TMEM117: variants seen among roughly 807,000 people sequenced by gnomAD.
TMEM117 encodes transmembrane protein 117.
Under a neutral mutation model 52.4 loss-of-function variants are expected in TMEM117, and 27 were observed. That is an observed-to-expected ratio of 0.51 (90% confidence interval 0.38 to 0.71). The LOEUF (loss-of-function observed/expected upper bound fraction) is 0.71. Among genes scored for constraint, TMEM117 ranks in the 30% least tolerant of loss-of-function variants. The pLI is 0.00. For missense variants in TMEM117, 556 were observed against 630.5 expected (o/e 0.88, Z 1.26); for synonymous variants, 215 against 206.3 (o/e 1.04, Z -0.36).
At chr12:43,810,663 G>T in the TMEM117 span, among the ~76,000 whole-genome samples, 1 of 152,168 alleles carries the variant, frequency 6.6e-6, no homozygotes, top group Non-Finnish European at 1.5e-5. Context: ...GACAAGCAGG[G>T]CGAGAGGGCA....
intron 3 of TMEM117, among the ~76,000 whole-genome samples, chr12:43,952,641 A>C (rs371286522): frequency 6.6e-6 from 1 of 152,190 alleles, no homozygotes; most frequent in African/African-American, 2.4e-5. Flanking sequence ...TTATGGGACT[A>C]TGTAAAAAGA....
chr12:43,810,714 A>G, the TMEM117 span, among the ~76,000 whole-genome samples: 5,592 of 152,302 alleles, frequency 0.037, 157 homozygotes, highest in Non-Finnish European at 0.058. Context: ...AAGCTCCTTC[A>G]CTTCCAGCCT....
At chr12:44,159,726 G>A (rs534186227) in intron 4 of TMEM117, among the ~76,000 whole-genome samples, 2 of 152,116 alleles carry the variant, frequency 1.3e-5, no homozygotes, top group South Asian at 2.1e-4. Flanking sequence ...ATGGTTCTCC[G>A]TAAACATGCC....
At chr12:44,395,149 CT>C in the TMEM117 span, among the ~76,000 whole-genome samples, 1 of 152,192 alleles carries the variant, frequency 6.6e-6, no homozygotes, top group African/African-American at 2.4e-5. Context: ...ACTCTTCAAG[CT>C]TGATAACCAT....
intron 3 of TMEM117, among the ~76,000 whole-genome samples, chr12:44,006,887 A>G (rs1946206686): frequency 6.6e-6 from 1 of 152,196 alleles, no homozygotes; most frequent in Non-Finnish European, 1.5e-5. Flanking sequence ...ACAGACTTCT[A>G]TCATTAGAAG....
At chr12:44,227,451 C>G (rs1949877680) in intron 5 of TMEM117, among the ~76,000 whole-genome samples, 2 of 151,818 alleles carry the variant, frequency 1.3e-5, no homozygotes, top group Admixed American at 1.3e-4. Flanking sequence ...GACCCTGTCT[C>G]AAAAAAGATT....
downstream of TMEM117, among the ~76,000 whole-genome samples, chr12:44,392,515 A>G (rs139362356): frequency 6.4e-4 from 98 of 152,204 alleles, no homozygotes; most frequent in African/African-American, 2.0e-3. Flanking sequence ...TTTGCTGGTT[A>G]GCTGGCTTTT....
chr12:43,944,460 A>AG (rs1945096884), intron 3 of TMEM117, 118 bp downstream of exon 3: 4 of 959,486 alleles, frequency 4.2e-6, no homozygotes, highest in Non-Finnish European at 6.1e-6. Context: ...TACCCTAAGA[A>AG]GAAGGAGTAT....
downstream of TMEM117, among the ~76,000 whole-genome samples, chr12:44,393,620 C>T (rs1952170504): frequency 6.8e-6 from 1 of 147,794 alleles, no homozygotes; most frequent in Admixed American, 6.7e-5. Context: ...CATCTATAAA[C>T]ACCCATCAAA....
intron 3 of TMEM117, among the ~76,000 whole-genome samples, chr12:44,061,502 GGA>G (rs1862426933): frequency 6.6e-6 from 1 of 151,396 alleles, no homozygotes; most frequent in East Asian, 1.9e-4. Flanking sequence ...TAGGGATCAA[GGA>G]GAGAGACTGG....
At chr12:43,852,433 A>C (rs140935810) in intron 2 of TMEM117, among the ~76,000 whole-genome samples, 3 of 22,776 alleles carry the variant, frequency 1.3e-4, no homozygotes, top group Admixed American at 1.2e-3. Flanking sequence ...TCCATCTCAA[A>C]AAAAAACAAA....
At chr12:43,806,445 C>A in the TMEM117 span, 1 of 1,070,858 alleles carries the variant, frequency 9.3e-7, no homozygotes, top group Non-Finnish European at 1.1e-6. Context: ...GGCTGCGGTC[C>A]AGCCCCCGGC....
At chr12:44,110,165 T>C (rs1948033380) in intron 3 of TMEM117, among the ~76,000 whole-genome samples, 1 of 116,722 alleles carries the variant, frequency 8.6e-6, no homozygotes, top group Non-Finnish European at 1.7e-5. Flanking sequence ...AGGGACAATT[T>C]GACTTCCTCT....
intron 6 of TMEM117, among the ~76,000 whole-genome samples, chr12:44,311,815 ATATATATG>A (rs1376193178): frequency 8.8e-4 from 83 of 94,738 alleles, no homozygotes; most frequent in East Asian, 6.7e-3. Flanking sequence ...GTATATATGT[ATATATATG>A]TATATATGTA....
Position 44,090,406 on chromosome 12 carries a change from A to T in TMEM117, c.411-53119A>T, listed in dbSNP as rs1057292555. The stretch of plus-strand genomic sequence containing the variant: ...TTTATTTTTATCTTACTTTTTATTT[A>T]TTTATTTATTTATTTATTTATTTAT... On this transcript the variant is annotated intron_variant, in intron 3 of 7. Coordinates refer to ENST00000266534, the MANE Select transcript of TMEM117 (RefSeq NM_032256.3). 8.2e-3 allele frequency among the ~76,000 whole-genome samples: 748 copies of T among 91,566 alleles called. 9 individuals carry two copies. Among genetic ancestry groups the T allele is most frequent in the African/African-American group, 0.046 (692 of 14,992 alleles). The allele number at this position is 91,566 out of a possible 152,430, so 60.1% of individuals were successfully genotyped here.
chr12:44,012,946 G>A (rs992402518), intron 3 of TMEM117, among the ~76,000 whole-genome samples: 3 of 152,046 alleles, frequency 2.0e-5, no homozygotes, highest in African/African-American at 4.8e-5. Context: ...TGATGCAGTG[G>A]TAGGGTGTGG....
chr12:43,815,164 G>C, the TMEM117 span, among the ~76,000 whole-genome samples: 13 of 152,304 alleles, frequency 8.5e-5, no homozygotes, highest in Admixed American at 7.8e-4. Flanking sequence ...CATCTTGCAG[G>C]TGATGTTGGG....
intron 3 of TMEM117, among the ~76,000 whole-genome samples, chr12:43,988,386 A>T (rs539309313): frequency 6.6e-6 from 1 of 152,104 alleles, no homozygotes; most frequent in Admixed American, 6.6e-5. Context: ...ATGTCCATAT[A>T]TATCACACAC....
chr12:43,914,068 A>G (rs1336763991), intron 2 of TMEM117, among the ~76,000 whole-genome samples: 1 of 152,126 alleles, frequency 6.6e-6, no homozygotes, highest in Non-Finnish European at 1.5e-5. Flanking sequence ...CTGAGGGCAG[A>G]CAAAGTATCA....
Sources: gnomAD v4.1 joint callset for allele counts (sites outside exome capture counted in the v4.1 genomes callset) on GRCh38, gnomAD v4.1.1 for gene constraint, MANE v1.5 for transcripts, NCBI Gene and HGNC (gene_info 2026-07-23, HGNC 2026-07-21) for gene names.